The following GPD2 variants were observed in gnomAD, a reference collection of about 807,000 sequenced individuals.
GPD2 encodes the protein glycerol-3-phosphate dehydrogenase 2.
GPD2 carries 54 observed loss-of-function variants against 82.4 expected under a neutral mutation model. That is an observed-to-expected ratio of 0.66 (90% confidence interval 0.53 to 0.82). The LOEUF (loss-of-function observed/expected upper bound fraction) is 0.82, where lower values mean the gene tolerates loss of function less well. Among genes scored for constraint, GPD2 ranks in the 40% least tolerant of loss-of-function variants. The pLI is 0.00. For missense variants in GPD2, 748 were observed against 896.2 expected (o/e 0.83, Z 2.11); for synonymous variants, 288 against 306.1 (o/e 0.94, Z 0.62).
the GPD2 span, among the ~76,000 whole-genome samples, chr2:156,424,389 T>C: frequency 7.5e-4 from 114 of 152,314 alleles, no homozygotes; most frequent in Non-Finnish European, 2.8e-4. Context: ...TGTTCTAGGA[T>C]AATTATTAAA....
At chr2:156,407,115 G>A in the GPD2 span, among the ~76,000 whole-genome samples, 1 of 152,152 alleles carries the variant, frequency 6.6e-6, no homozygotes, top group African/African-American at 2.4e-5. Context: ...GGAAGGCTGA[G>A]GCAGGAGAAT....
chr2:156,525,626 C>T (rs1261837149), intron 6 of GPD2, among the ~76,000 whole-genome samples: 1 of 152,096 alleles, frequency 6.6e-6, no homozygotes, highest in Non-Finnish European at 1.5e-5. Flanking sequence ...AATCAGACTT[C>T]CAAAACAGTT....
chr2:156,535,493 C>T lies in GPD2; in HGVS notation c.662-14115C>T, dbSNP rs369725050. 3.3e-5 allele frequency among the ~76,000 whole-genome samples: 5 copies of T among 150,312 alleles called. No individual in the cohort carries two copies. In the East Asian group the frequency reaches 9.9e-4, roughly 30 times the overall value. ...GACCTGGGAAAGAGAAGGCATATTA[C>T]ATGGGCCATTATCCATCTGCTTGCT... On this transcript the variant is annotated intron_variant, in intron 6 of 16. Coordinates refer to ENST00000438166, the MANE Select transcript of GPD2 (RefSeq NM_000408.5).
At chr2:156,531,052 A>G (rs998880848) in intron 6 of GPD2, among the ~76,000 whole-genome samples, 3 of 152,222 alleles carry the variant, frequency 2.0e-5, no homozygotes, top group African/African-American at 7.2e-5. Flanking sequence ...AATGAAATAC[A>G]TATACAATTT....
intron 1 of GPD2, among the ~76,000 whole-genome samples, chr2:156,458,844 C>T (rs959762218): frequency 1.3e-5 from 2 of 151,890 alleles, no homozygotes; most frequent in African/African-American, 4.8e-5. Flanking sequence ...ATAATTCATG[C>T]TTATTTTAGA....
At chr2:156,542,167 TC>T (rs1390213324) in intron 6 of GPD2, among the ~76,000 whole-genome samples, 2 of 152,240 alleles carry the variant, frequency 1.3e-5, no homozygotes, top group East Asian at 3.9e-4. Flanking sequence ...AGACCACAGA[TC>T]CACCCCGATT....
intron 1 of GPD2, among the ~76,000 whole-genome samples, chr2:156,461,677 G>A (rs1682994010): frequency 6.6e-6 from 1 of 152,232 alleles, no homozygotes; most frequent in Non-Finnish European, 1.5e-5. Context: ...ATCATGTCCA[G>A]CCTACCCCAG....
chr2:156,435,940 CT>C (rs1688411963), upstream of GPD2: 1 of 152,436 alleles, frequency 6.6e-6, no homozygotes, highest in South Asian at 2.1e-4. Context: ...CTAGCTCAGG[CT>C]TTCCAGTCCG....
chr2:156,500,359 A>G (rs1684545077), intron 3 of GPD2, among the ~76,000 whole-genome samples: 1 of 152,152 alleles, frequency 6.6e-6, no homozygotes, highest in Admixed American at 6.6e-5. Flanking sequence ...ACAATTCCTG[A>G]TCATATCAGT....
chr2:156,539,750 A>C (rs768250176), intron 6 of GPD2, among the ~76,000 whole-genome samples: 4 of 152,222 alleles, frequency 2.6e-5, no homozygotes, highest in Non-Finnish European at 4.4e-5. Context: ...TGAGGAAAAG[A>C]GGACTGAAAA....
At chr2:156,574,661 G>A (rs542483310) in intron 13 of GPD2, among the ~76,000 whole-genome samples, 80 of 152,098 alleles carry the variant, frequency 5.3e-4, no homozygotes, top group African/African-American at 1.8e-3. Flanking sequence ...TTGAGTGGCT[G>A]ATTAAAGCAA....
rs767981913 is a variant in GPD2, at chr2:156,585,357, T to C, written c.*2439T>C. 6.6e-6 allele frequency: 1 copy of C among 152,344 alleles called. No homozygotes were observed. Among genetic ancestry groups the C allele is most frequent in the Non-Finnish European group, 1.5e-5 (1 of 67,922 alleles). The allele number at this position is 152,344 out of a possible 1,614,324, so 9.4% of individuals were successfully genotyped here. ...CGGGGTGGGTATGCAGGGATTGCCT[T>C]TTATTATCAAGTGATTTATTTCAAG... On this transcript the variant is annotated 3_prime_UTR_variant, in exon 17 of 17. Transcript: ENST00000438166.
At chr2:156,405,230 A>T in the GPD2 span, among the ~76,000 whole-genome samples, 1 of 152,168 alleles carries the variant, frequency 6.6e-6, no homozygotes, top group Non-Finnish European at 1.5e-5. Context: ...TGTAGTGTAG[A>T]AAAGTAAGGA....
rs954890434 is a variant in GPD2, at chr2:156,568,798, A to T, written c.1166-27A>T. On this transcript the variant is annotated intron_variant, in intron 9 of 16. Transcript: ENST00000438166. The stretch of plus-strand genomic sequence containing the variant: ...ATCAAAATATTTTTGAGCAATGTTC[A>T]TAACCCTTGGCATTGATTCCTACCA... 5.0e-6 allele frequency: 8 copies of T among 1,604,100 alleles called. No individual in the cohort carries two copies. In the African/African-American group the frequency reaches 1.1e-4, roughly 21 times the overall value.
At chr2:156,489,793 CCTTCCTTCCTCCCCTCCCT>C (rs1196550312) in intron 2 of GPD2, among the ~76,000 whole-genome samples, 3 of 3,870 alleles carry the variant, frequency 7.8e-4, no homozygotes, top group Non-Finnish European at 4.7e-4. Context: ...CCTCCGCTCC[CCTTCCTTCCTCCCCTCCCT>C]CTTCCCTCTT....
Position 156,525,657 on chromosome 2 carries a change from G to A in GPD2, c.661+12161G>A, listed in dbSNP as rs544427921. ...CAGTTTAATTTTATTTTTCAGTTTC[G>A]TTGTTGAATGGGGACATACGGACAA... On this transcript the variant is annotated intron_variant, in intron 6 of 16. Coordinates refer to ENST00000438166, the MANE Select transcript of GPD2 (RefSeq NM_000408.5). Among the ~76,000 whole-genome samples the A allele has an allele frequency of 7.9e-5, 12 of 152,124 alleles. No individual in the cohort carries two copies. In the South Asian group the frequency reaches 1.9e-3, roughly 24 times the overall value.
intron 6 of GPD2, among the ~76,000 whole-genome samples, chr2:156,517,239 T>A (rs1685232965): frequency 6.6e-6 from 1 of 152,226 alleles, no homozygotes; most frequent in Non-Finnish European, 1.5e-5. Flanking sequence ...ATTACAGGCA[T>A]GAGCCACTTC....
At chr2:156,418,897 A>T in the GPD2 span, among the ~76,000 whole-genome samples, 1 of 152,038 alleles carries the variant, frequency 6.6e-6, no homozygotes, top group African/African-American at 2.4e-5. Flanking sequence ...AAGAAAAAAC[A>T]ATTATTCCTT....
the GPD2 span, among the ~76,000 whole-genome samples, chr2:156,429,180 A>G: frequency 4.6e-5 from 7 of 152,238 alleles, no homozygotes; most frequent in Non-Finnish European, 1.0e-4. Flanking sequence ...TCCAGGTTAT[A>G]TAAAATGTAT....
Sources: gnomAD v4.1 joint callset for allele counts (sites outside exome capture counted in the v4.1 genomes callset) on GRCh38, gnomAD v4.1.1 for gene constraint, MANE v1.5 for transcripts, NCBI Gene and HGNC (gene_info 2026-07-23, HGNC 2026-07-21) for gene names.